Variants in TNS1 observed in about 807,000 individuals in gnomAD.
TNS1 encodes the protein tensin-1.
In TNS1, 62 loss-of-function variants were observed where a neutral mutation model predicts 168.6. The observed-to-expected ratio is 0.37, with a 90% CI of 0.30 to 0.45. The LOEUF (loss-of-function observed/expected upper bound fraction) is 0.45, where lower values mean the gene tolerates loss of function less well. TNS1 is among the 20% of genes least tolerant of loss of function. The pLI is 1.00. For missense variants in TNS1, 2,240 were observed against 2,339.4 expected (o/e 0.96, Z 0.88); for synonymous variants, 934 against 933.2 (o/e 1.00, Z -0.02).
chr2:217,813,696 T>C lies in TNS1; in HGVS notation c.4850A>G (p.Gln1617Arg), dbSNP rs1380677122. ...VSSPPPTIMQQNKKGDMTHEL... is the reference protein window; with the variant it reads ...VSSPPPTIMQRNKKGDMTHEL... ...GGAGATGAGGTTACCTTTTTTATTC[T>C]GCTGCATGATGGTTGGAGGTGGCGA... The change falls in exon 26 of 33, where the codon CAG becomes CGG. Residue 1617 changes from glutamine (Q) to arginine (R), a missense_variant. Physicochemically the swap from Gln to Arg is conservative, Grantham distance 43. This residue lies in a region of TNS1 where 2,131 missense variants were observed against 2,171.2 expected (regional missense o/e 0.98). Transcript: ENST00000682258. The surrounding 1 kb of genome is among the most constrained non-coding windows in gnomAD (Gnocchi z 4.0). 1.2e-6 allele frequency: 2 copies of C among 1,610,314 alleles called. No homozygotes were observed. Among genetic ancestry groups the C allele is most frequent in the African/African-American group, 1.3e-5 (1 of 74,766 alleles).
chr2:217,885,060 C>T lies in TNS1; in HGVS notation c.1221G>A (p.Lys407=). ...CTTTGAAAGCATCATCAAGGTCCTC[C>T]TTCCCAAAGACAACCCCCAGGTCAT... The part of the protein sequence containing the change: ...AIHDLGVVFG[K]EDLDDAFKDD... Residue 407 remains lysine (K), a synonymous_variant, in exon 16 of 33, where the codon AAG becomes AAA. Coordinates refer to ENST00000682258, the MANE Select transcript of TNS1 (RefSeq NM_001387777.1). 6.2e-7 allele frequency: 1 copy of T among 1,614,250 alleles called. No individual in the cohort carries two copies.
At chr2:217,991,167 AG>A (rs1231314148) in intron 1 of TNS1, 111 bp from the exon 2 acceptor site, 1 of 472,980 alleles carries the variant, frequency 2.1e-6, no homozygotes, top group Non-Finnish European at 3.9e-6. Flanking sequence ...GGATGGCAAG[AG>A]CCCCTCAGGG....
intron 15 of TNS1, 70 bp downstream of exon 15, chr2:217,885,674 G>A: frequency 6.6e-7 from 1 of 1,520,044 alleles, no homozygotes; most frequent in East Asian, 2.3e-5. Context: ...CCAAGAGGCA[G>A]GAAAGGAGTA....
rs1483009731 is a variant in TNS1, at chr2:217,831,530, G to C, written c.3298C>G (p.Leu1100Val). 6.5e-7 allele frequency: 1 copy of C among 1,541,854 alleles called. No homozygotes were observed. The highest frequency in any genetic ancestry group is 2.0e-5 in the Admixed American group (1 of 49,708). ...PPSGVRSPPG[L>V]AKTPLSALGL... The stretch of plus-strand genomic sequence containing the variant: ...AGAGCAGACAGGGGTGTCTTGGCCA[G>C]ACCCGGGGGGGACCGCACTGTGCCA... Residue 1100 changes from leucine to valine, a missense_variant, in exon 22 of 33, where the codon CTG (leucine) becomes GTG (valine). By Grantham distance (32) the Leu-to-Val change is conservative (BLOSUM62 1). Coordinates refer to ENST00000682258, the MANE Select transcript of TNS1 (RefSeq NM_001387777.1).
chr2:217,918,476 A>G (rs886343096), intron 4 of TNS1, among the ~76,000 whole-genome samples: 16 of 152,186 alleles, frequency 1.1e-4, no homozygotes, highest in African/African-American at 3.9e-4. Flanking sequence ...GGGGCACCTC[A>G]CAGAGACACG....
rs1488136169 is a variant in TNS1 at position 217,804,569 on chromosome 2, T to C, written c.5410A>G (p.Thr1804Ala). Reference sequence around the variant, plus strand: ...AAGAGGTGGCAGGCGTTGTCCGTGGTGCTGCCCTGCTTCCGGGCCACGAAG... The same window carrying C: ...AAGAGGTGGCAGGCGTTGTCCGTGGCGCTGCCCTGCTTCCGGGCCACGAAG... ...FGFVARKQGS[T>A]TDNACHLFAE... Residue 1804 changes from threonine to alanine, a missense_variant, in exon 33 of 33, where the codon ACC becomes GCC. Around this residue, in one of 2 missense-constraint regions of TNS1, gnomAD observed 109 missense variants for 168.1 expected, o/e 0.65. Transcript: ENST00000682258. 2 of 1,614,110 alleles carry C rather than the reference T, an allele frequency of 1.2e-6. No homozygotes were observed. The highest frequency in any genetic ancestry group is 3.3e-4 in the Middle Eastern group (2 of 6,058).
At chr2:217,982,987 C>A (rs573825227) in intron 2 of TNS1, among the ~76,000 whole-genome samples, 1 of 152,138 alleles carries the variant, frequency 6.6e-6, no homozygotes, top group Non-Finnish European at 1.5e-5. Flanking sequence ...TAAGACACCC[C>A]CCACCACCAA....
At chr2:217,935,136 T>A (rs1956538844) in intron 3 of TNS1, among the ~76,000 whole-genome samples, 1 of 152,178 alleles carries the variant, frequency 6.6e-6, no homozygotes, top group Non-Finnish European at 1.5e-5. Flanking sequence ...ACCCTCCTGT[T>A]GCAAAGCAGT....
intron 6 of TNS1, among the ~76,000 whole-genome samples, chr2:217,906,062 T>C (rs1460193649): frequency 6.6e-6 from 1 of 152,102 alleles, no homozygotes; most frequent in Non-Finnish European, 1.5e-5. Context: ...CCATGGCCAC[T>C]CATCACACAC....
chr2:217,876,755 G>A (rs1050494629), intron 18 of TNS1, among the ~76,000 whole-genome samples: 6 of 151,908 alleles, frequency 3.9e-5, no homozygotes, highest in Admixed American at 2.0e-4. Context: ...AAGAGATGAG[G>A]GTAAGAATAC....
At chr2:217,929,073 G>A (rs1240765228) in intron 3 of TNS1, among the ~76,000 whole-genome samples, 2 of 152,190 alleles carry the variant, frequency 1.3e-5, no homozygotes, top group Non-Finnish European at 2.9e-5. Flanking sequence ...GTCAGAAGCT[G>A]ACAACAACAA....
At chr2:217,993,656 A>G (rs1455774861) in intron 1 of TNS1, among the ~76,000 whole-genome samples, 1 of 152,220 alleles carries the variant, frequency 6.6e-6, no homozygotes, top group Non-Finnish European at 1.5e-5. Context: ...TGGCAACCGA[A>G]AGTAACGGCG....
upstream of TNS1, among the ~76,000 whole-genome samples, chr2:218,011,232 G>A (rs1418361157): frequency 6.6e-6 from 1 of 152,172 alleles, no homozygotes. Flanking sequence ...ATCCTATTAG[G>A]ACCCTAGAAC....
rs1012697840 is a variant in TNS1, at chr2:218,031,134, G to T, written c.156+2686C>A. On this transcript the variant is annotated intron_variant, in intron 1 of 1. Coordinates refer to the TNS1 transcript ENST00000649572. ...AGTGTGTGTGAGCATGTCTGTGTGT[G>T]TGTGTGTATGTGTTGTGTGAGCATG... 1.9e-4 allele frequency among the ~76,000 whole-genome samples: 20 copies of T among 103,634 alleles called. 2 individuals carry two copies. The highest frequency in any genetic ancestry group is 1.1e-3 in the South Asian group (3 of 2,654). 68.0% of individuals were successfully genotyped at this position (103,634 alleles called of 152,430 possible). A position where few individuals can be genotyped will look rare whatever the true frequency, so the allele number is the denominator to read the frequency against.
intron 18 of TNS1, among the ~76,000 whole-genome samples, chr2:217,875,841 C>G (rs1950161626): frequency 6.6e-6 from 1 of 152,154 alleles, no homozygotes; most frequent in South Asian, 2.1e-4. Flanking sequence ...AGCTTGGGCA[C>G]AAAACCAAGG....
chr2:217,912,980 G>A (rs3791923), intron 4 of TNS1, among the ~76,000 whole-genome samples: 2,684 of 152,290 alleles, frequency 0.018, 54 homozygotes, highest in Admixed American at 0.06. Context: ...GAGGGTGGCC[G>A]CTCAATGTGA....
intron 16 of TNS1, among the ~76,000 whole-genome samples, chr2:217,883,107 T>G (rs1389533829): frequency 6.6e-6 from 1 of 152,004 alleles, no homozygotes; most frequent in East Asian, 1.9e-4. Flanking sequence ...GACATGAATT[T>G]TAAATAACCT....
chr2:217,829,928 A>C (rs369443087), intron 22 of TNS1: 4 of 1,611,068 alleles, frequency 2.5e-6, no homozygotes, highest in Non-Finnish European at 3.4e-6. Flanking sequence ...GAGGCAGGAA[A>C]GAAGGGCAGG....
Position 217,847,598 on chromosome 2 carries a change from G to C in TNS1, c.2919C>G (p.Leu973=). Residue 973 remains leucine (L), a synonymous_variant, in exon 19 of 33, where the codon CTC becomes CTG. Coordinates refer to ENST00000682258, the MANE Select transcript of TNS1 (RefSeq NM_001387777.1). ...GGTCTGAAGTCGCTTCCTTTGGTGA[G>C]AGCAGAGGCTGAGCAGTGAGGCCAG... The part of the protein sequence containing the change: ...SLPGLTAQPL[L]SPKEATSDPS... 10 of 1,551,260 alleles carry C rather than the reference G, an allele frequency of 6.4e-6. No individual in the cohort carries two copies. The highest frequency in any genetic ancestry group is 8.8e-6 in the Non-Finnish European group (10 of 1,140,492).
Sources: allele counts gnomAD v4.1 joint callset (sites outside exome capture counted in the v4.1 genomes callset), GRCh38; gene constraint gnomAD v4.1.1; regional missense constraint gnomAD v4.1.1; non-coding constraint Gnocchi (gnomAD v3.1); transcripts MANE v1.5; gene names NCBI Gene and HGNC (gene_info 2026-07-23, HGNC 2026-07-21).